The following RBM41 variants were observed in gnomAD, a reference collection of about 807,000 sequenced individuals.
RBM41 encodes the protein RNA-binding protein 41.
Under a neutral mutation model 30.8 loss-of-function variants are expected in RBM41, and 14 were observed. That is an observed-to-expected ratio of 0.45 (90% CI 0.30 to 0.71). The LOEUF is 0.71. Ranked by LOEUF, RBM41 falls within the 30% of genes least tolerant of loss-of-function variation. The pLI is 0.08. For synonymous variants in RBM41, 120 were observed against 110.1 expected (o/e 1.09, Z -0.56); for missense variants, 276 against 326.3 (o/e 0.85, Z 1.19).
At chrX:107,083,779 G>T (rs1023923873) in intron 6 of RBM41, among the ~76,000 whole-genome samples, 1 of 110,920 alleles carries the variant, frequency 9.0e-6, no homozygotes, top group African/African-American at 3.3e-5. Context: ...GTTTAGATTA[G>T]CCATCTGGTC....
At chrX:107,054,713 C>A in the RBM41 span, among the ~76,000 whole-genome samples, 804 of 111,721 alleles carry the variant, frequency 7.2e-3, 5 homozygotes, top group African/African-American at 0.025. Context: ...GGCCCTGGTG[C>A]CTTTGGATAA....
chrX:107,053,232 A>G, the RBM41 span, among the ~76,000 whole-genome samples: 1 of 113,598 alleles, frequency 8.8e-6, no homozygotes, highest in African/African-American at 3.2e-5. Flanking sequence ...AATCTTGTTC[A>G]GTGTAGATGG....
Position 107,081,485 on chromosome X carries a change from A to C in RBM41, c.999+6951T>G, listed in dbSNP as rs1921513315. ...ATTTGTTCTTCTTCAGGAGTGTGTT[A>C]CATGTTCTGGGTCTTTTGTCTTTTC... is the stretch of plus-strand genomic sequence containing the variant. On this transcript the variant is annotated intron_variant, in intron 6 of 7. Coordinates refer to ENST00000685964, the MANE Select transcript of RBM41 (RefSeq NM_001324242.2). Among the ~76,000 whole-genome samples the C allele has an allele frequency of 2.7e-5, 3 of 111,675 alleles. No homozygotes were observed. In the Admixed American group the frequency reaches 2.9e-4, roughly 11 times the overall value.
chrX:107,116,509 G>C, intron 2 of RBM41, 141 bp downstream of exon 2: 1 of 984,359 alleles, frequency 1.0e-6, no homozygotes, highest in South Asian at 2.6e-5. Flanking sequence ...AAGAGACACA[G>C]AATTAAAACC....
At chrX:107,061,298 G>C (rs762118079), downstream of RBM41, among the ~76,000 whole-genome samples, 1 of 112,028 alleles carries the variant, frequency 8.9e-6, no homozygotes, top group Non-Finnish European at 1.9e-5. Context: ...GAAGTTGAGT[G>C]AGGATATATG....
chrX:107,086,091 T>C (rs1922014751), intron 6 of RBM41, among the ~76,000 whole-genome samples: 1 of 112,069 alleles, frequency 8.9e-6, no homozygotes, highest in African/African-American at 3.2e-5. Context: ...TAAGAATACA[T>C]GCATAACCTC....
chrX:107,071,977 A>G (rs768612896), intron 6 of RBM41, among the ~76,000 whole-genome samples: 2 of 111,633 alleles, frequency 1.8e-5, no homozygotes, highest in Non-Finnish European at 3.8e-5. Context: ...AGTTGAAATG[A>G]TCATCCATGT....
At chrX:107,061,317 CTT>C (rs1434479265), downstream of RBM41, among the ~76,000 whole-genome samples, 4 of 111,928 alleles carry the variant, frequency 3.6e-5, no homozygotes, top group Non-Finnish European at 5.6e-5. Flanking sequence ...TGACAACTCT[CTT>C]ATTATTTTTA....
intron 2 of RBM41, 80 bp from the exon 3 acceptor site, chrX:107,116,134 G>C: frequency 1.0e-6 from 1 of 1,000,897 alleles, no homozygotes. Context: ...CACTGTAAGA[G>C]GTACAATGAA....
At chrX:107,071,276 C>T (rs1279114331) in intron 6 of RBM41, among the ~76,000 whole-genome samples, 1 of 105,723 alleles carries the variant, frequency 9.5e-6, no homozygotes, top group African/African-American at 3.4e-5. Context: ...AGAGCTACAA[C>T]AGAGACAGAA....
chrX:107,084,109 G>T (rs1602570420), intron 6 of RBM41, among the ~76,000 whole-genome samples: 1 of 87,850 alleles, frequency 1.1e-5, no homozygotes. Flanking sequence ...CTGTCTTTTT[G>T]TCTCCCTTGT....
At chrX:107,107,629 T>C (rs1367774875) in intron 5 of RBM41, among the ~76,000 whole-genome samples, 2 of 111,049 alleles carry the variant, frequency 1.8e-5, no homozygotes, top group Non-Finnish European at 3.8e-5. Context: ...AGGCAATTAG[T>C]CTGGTTGATT....
downstream of RBM41, among the ~76,000 whole-genome samples, chrX:107,060,841 G>A (rs1362217010): frequency 1.8e-5 from 2 of 111,281 alleles, no homozygotes; most frequent in East Asian, 5.6e-4. Flanking sequence ...TAACTTTACA[G>A]TAAAGAAATC....
chrX:107,067,556 C>G lies in RBM41; in HGVS notation c.1285G>C (p.Gly429Arg). ...CTACCACTAATTTCTGTAGTGCTAC[C>G]TGTAGCACATGATATGAGAGAAGTC... ...QATSLISCAT[G>R]STTEISGS is the part of the protein sequence containing the mutation. The change falls in exon 8 of 8, where the codon GGT becomes CGT. Residue 429 changes from glycine (G) to arginine (R), a missense_variant. Physicochemically the swap from Gly to Arg is moderately radical, Grantham distance 125. Coordinates refer to ENST00000685964, the MANE Select transcript of RBM41 (RefSeq NM_001324242.2). 1 of 1,209,714 alleles carries G rather than the reference C, an allele frequency of 8.3e-7. No individual in the cohort carries two copies. Among genetic ancestry groups the G allele is most frequent in the Non-Finnish European group, 1.1e-6 (1 of 894,247 alleles).
intron 5 of RBM41, among the ~76,000 whole-genome samples, chrX:107,107,950 AAT>A (rs1197539891): frequency 3.6e-5 from 4 of 111,503 alleles, no homozygotes; most frequent in African/African-American, 1.3e-4. Flanking sequence ...TTCTAGAGAT[AAT>A]ATATGTTTCT....
intron 6 of RBM41, among the ~76,000 whole-genome samples, chrX:107,087,571 A>T (rs1480615071): frequency 1.8e-5 from 2 of 111,195 alleles, no homozygotes; most frequent in African/African-American, 6.5e-5. Context: ...TGATCAATAA[A>T]ATAAGAATTA....
intron 6 of RBM41, among the ~76,000 whole-genome samples, chrX:107,074,135 C>T (rs1422405200): frequency 9.0e-6 from 1 of 111,141 alleles, no homozygotes; most frequent in Non-Finnish European, 1.9e-5. Flanking sequence ...ATTATCCCAA[C>T]ATGAAGAAAT....
chrX:107,090,194 T>C (rs949654696), intron 5 of RBM41, among the ~76,000 whole-genome samples: 1 of 110,541 alleles, frequency 9.0e-6, no homozygotes, highest in Non-Finnish European at 1.9e-5. Context: ...GCCAATATGG[T>C]GAAACCCCAT....
At position 107,070,749 on chromosome X, in the gene RBM41, C is replaced by T. The variant is rs75668848; in HGVS notation, c.1000-1347G>A. Among the ~76,000 whole-genome samples the T allele has an allele frequency of 5.8e-3, 643 of 110,930 alleles. 3 individuals carry two copies. Among genetic ancestry groups the T allele is most frequent in the Middle Eastern group, 0.028 (6 of 215 alleles). On this transcript the variant is annotated intron_variant, in intron 6 of 7. Coordinates refer to ENST00000685964, the MANE Select transcript of RBM41 (RefSeq NM_001324242.2). ...ATTAGGCGGCACGGGAGGGTAGGTGCGGTGGCTCACTCCTGTAATCCCAGT... is the reference window on the plus strand; with the variant it reads ...ATTAGGCGGCACGGGAGGGTAGGTGTGGTGGCTCACTCCTGTAATCCCAGT...
Sources: gnomAD v4.1 joint callset for allele counts (sites outside exome capture counted in the v4.1 genomes callset) on GRCh38, gnomAD v4.1.1 for gene constraint, MANE v1.5 for transcripts, NCBI Gene and HGNC (gene_info 2026-07-23, HGNC 2026-07-21) for gene names.